COG2: variants seen among roughly 807,000 people sequenced by gnomAD.
COG2 encodes the protein conserved oligomeric Golgi complex subunit 2.
COG2 carries 52 observed loss-of-function variants against 90.6 expected under a neutral mutation model. The observed-to-expected ratio is 0.57, with a 90% CI of 0.46 to 0.72. The LOEUF is 0.72. Ranked by LOEUF, COG2 falls within the 30% of genes least tolerant of loss-of-function variation. COG2 has a pLI of 0.00. For synonymous variants in COG2, 337 were observed against 320.4 expected (o/e 1.05, Z -0.55); for missense variants, 829 against 891.2 (o/e 0.93, Z 0.89).
intron 1 of COG2, among the ~76,000 whole-genome samples, chr1:230,651,387 G>A (rs1392798381): frequency 6.6e-6 from 1 of 152,166 alleles, no homozygotes; most frequent in African/African-American, 2.4e-5. Context: ...AGCTTTAAAT[G>A]ATTACTTCCC....
intron 8 of COG2, among the ~76,000 whole-genome samples, chr1:230,672,371 G>A (rs1332478899): frequency 6.6e-6 from 1 of 152,142 alleles, no homozygotes. Context: ...TCCCTCCATA[G>A]CCCTGGATGC....
intron 10 of COG2, 60 bp downstream of exon 10, chr1:230,679,112 G>C (rs1662670569): frequency 6.6e-7 from 1 of 1,503,984 alleles, no homozygotes; most frequent in Non-Finnish European, 9.0e-7. Flanking sequence ...TGGAATGCCA[G>C]TTAAGGATGT....
At chr1:230,670,634 G>T (rs555762294) in intron 7 of COG2, 4 of 151,874 alleles carry the variant, frequency 2.6e-5, no homozygotes, top group African/African-American at 9.7e-5. Flanking sequence ...TTGTGCTTTG[G>T]GGGACAGGGT....
chr1:230,646,078 T>C (rs1661769530), intron 1 of COG2, among the ~76,000 whole-genome samples: 1 of 152,068 alleles, frequency 6.6e-6, no homozygotes, highest in African/African-American at 2.4e-5. Context: ...ATTCCCACCC[T>C]CTCCACACTT....
intron 12 of COG2, among the ~76,000 whole-genome samples, chr1:230,686,504 CAA>C (rs1662887967): frequency 6.6e-6 from 1 of 152,132 alleles, no homozygotes; most frequent in Admixed American, 6.5e-5. Flanking sequence ...CAATGTGACA[CAA>C]AGAACACTTT....
chr1:230,673,889 A>T (rs1163474178), intron 8 of COG2, among the ~76,000 whole-genome samples: 2 of 152,226 alleles, frequency 1.3e-5, no homozygotes, highest in Non-Finnish European at 2.9e-5. Flanking sequence ...TAAGCAGGAA[A>T]ATTATGAAAA....
chr1:230,665,215 T>C (rs751515862), intron 5 of COG2, among the ~76,000 whole-genome samples: 1 of 152,166 alleles, frequency 6.6e-6, no homozygotes, highest in Non-Finnish European at 1.5e-5. Flanking sequence ...CATGGGCTTA[T>C]GTTGCATGTA....
At chr1:230,673,781 C>T (rs1050065393) in intron 8 of COG2, among the ~76,000 whole-genome samples, 5 of 152,264 alleles carry the variant, frequency 3.3e-5, no homozygotes, top group South Asian at 4.1e-4. Flanking sequence ...AATTTCCTAA[C>T]AATACTTAGG....
intron 8 of COG2, among the ~76,000 whole-genome samples, chr1:230,672,380 G>GCTCC (rs1323896753): frequency 6.6e-6 from 1 of 152,208 alleles, no homozygotes; most frequent in East Asian, 1.9e-4. Context: ...AGCCCTGGAT[G>GCTCC]CTCCAGCCAC....
chr1:230,669,608 G>A lies in COG2; in HGVS notation c.774+73G>A, dbSNP rs549297371. 2.3e-6 allele frequency: 3 copies of A among 1,312,774 alleles called. No homozygotes were observed. In the African/African-American group the frequency reaches 4.4e-5, roughly 19 times the overall value. 81.3% of individuals were successfully genotyped at this position (1,312,774 alleles called of 1,614,324 possible). ...TTGACTCTTTACTGGGTGTGAGGAAGATAAGAAGAGAGAACAGAGATCTTT... is the reference window on the plus strand; with the variant it reads ...TTGACTCTTTACTGGGTGTGAGGAAAATAAGAAGAGAGAACAGAGATCTTT... On this transcript the variant is annotated intron_variant, in intron 7 of 17. Coordinates refer to ENST00000366669, the MANE Select transcript of COG2 (RefSeq NM_007357.3).
At chr1:230,669,124 T>G in intron 6 of COG2, 2 of 467,798 alleles carry the variant, frequency 4.3e-6, no homozygotes, top group Non-Finnish European at 7.4e-6. Context: ...AAGAGGAAGG[T>G]AACTTTTTTC....
intron 5 of COG2, among the ~76,000 whole-genome samples, chr1:230,667,065 C>T (rs1375572741): frequency 6.6e-6 from 1 of 152,188 alleles, no homozygotes; most frequent in Admixed American, 6.5e-5. Flanking sequence ...ATTCATCGGG[C>T]CTCCGGGTCA....
At position 230,675,129 on chromosome 1, in the gene COG2, C is replaced by A; in HGVS notation, c.1026+5C>A. On this transcript the variant is annotated splice_donor_5th_base_variant and intron_variant, in intron 9 of 17. Coordinates refer to ENST00000366669, the MANE Select transcript of COG2 (RefSeq NM_007357.3). Reference sequence around the variant, plus strand: ...AATCCCGATGCATTTCATGAGGTATCTCCCCGCCCGTCGTCTTGATTCTTG... The same window carrying A: ...AATCCCGATGCATTTCATGAGGTATATCCCCGCCCGTCGTCTTGATTCTTG... The A allele has an allele frequency of 2.5e-6, 4 of 1,606,854 alleles. No homozygotes were observed. The highest frequency in any genetic ancestry group is 3.4e-6 in the Non-Finnish European group (4 of 1,176,634).
At chr1:230,657,847 T>G (rs955657353) in intron 1 of COG2, among the ~76,000 whole-genome samples, 9 of 152,034 alleles carry the variant, frequency 5.9e-5, no homozygotes, top group African/African-American at 2.2e-4. Flanking sequence ...TTTCTTCCGC[T>G]TGATTGATTC....
chr1:230,680,826 T>C (rs1179233171), intron 10 of COG2: 1 of 152,204 alleles, frequency 6.6e-6, no homozygotes, highest in Non-Finnish European at 1.5e-5. Flanking sequence ...AGTTGTTTGC[T>C]CTGAAGGATG....
At chr1:230,643,223 A>C (rs920102408) in intron 1 of COG2, among the ~76,000 whole-genome samples, 1 of 152,260 alleles carries the variant, frequency 6.6e-6, no homozygotes, top group African/African-American at 2.4e-5. Flanking sequence ...TCTTTAAAGA[A>C]GTTGCTCTAC....
chr1:230,645,422 G>A (rs1571938842), intron 1 of COG2, among the ~76,000 whole-genome samples: 1 of 152,036 alleles, frequency 6.6e-6, no homozygotes, highest in African/African-American at 2.4e-5. Context: ...ATGACTTCAT[G>A]TGTTTTACAG....
intron 3 of COG2, among the ~76,000 whole-genome samples, chr1:230,662,854 A>G (rs945956171): frequency 6.6e-6 from 1 of 152,158 alleles, no homozygotes; most frequent in Non-Finnish European, 1.5e-5. Context: ...AGACACCCTT[A>G]TACTTTGACT....
In COG2 at chr1:230,642,542, C is replaced by A. The variant is rs891758713; in HGVS notation, c.-65C>A. The A allele has an allele frequency of 6.6e-7, 1 of 1,516,986 alleles. No homozygotes were observed. The highest frequency in any genetic ancestry group is 1.2e-5 in the South Asian group (1 of 83,530). The allele number at this position is 1,516,986 out of a possible 1,614,324, so 94.0% of individuals were successfully genotyped here. On this transcript the variant is annotated 5_prime_UTR_variant, in exon 1 of 18. It introduces an in-frame stop codon into an upstream open reading frame of the 5' UTR. Transcript: ENST00000366669. ...CTGGCGGTGGCCGCGGCCGCCGAGT[C>A]GGTCTGCGCAGCCTCCTGCGTTTTC...
Sources: allele counts gnomAD v4.1 joint callset (sites outside exome capture counted in the v4.1 genomes callset), GRCh38; gene constraint gnomAD v4.1.1; transcripts MANE v1.5; gene names NCBI Gene and HGNC (gene_info 2026-07-23, HGNC 2026-07-21).